EPC2: variants seen among roughly 807,000 people sequenced by gnomAD.
The protein encoded by EPC2 is enhancer of polycomb homolog 2.
In EPC2, 14 loss-of-function variants were observed where a neutral mutation model predicts 92.1. The observed-to-expected ratio is 0.15, with a 90% CI of 0.10 to 0.24. The LOEUF is 0.24. Ranked by LOEUF, EPC2 falls within the 10% of genes least tolerant of loss-of-function variation. EPC2 has a pLI of 1.00. For synonymous variants in EPC2, 340 were observed against 334.7 expected, an observed-to-expected ratio of 1.02 and a Z score of -0.17; for missense variants, 755 against 971.5, an observed-to-expected ratio of 0.78 and a Z score of 2.96.
chr2:148,761,386 G>A (rs1214245829), intron 4 of EPC2, among the ~76,000 whole-genome samples: 1 of 152,108 alleles, frequency 6.6e-6, no homozygotes, highest in Non-Finnish European at 1.5e-5. Flanking sequence ...AATGGATGAG[G>A]GGACTCATTT....
intron 1 of EPC2, among the ~76,000 whole-genome samples, chr2:148,670,163 C>G (rs1038618506): frequency 6.6e-6 from 1 of 152,166 alleles, no homozygotes; most frequent in African/African-American, 2.4e-5. Context: ...GCTCCATACT[C>G]TGGGAACTAA....
At chr2:148,713,311 A>G (rs986325905) in intron 2 of EPC2, among the ~76,000 whole-genome samples, 3 of 152,170 alleles carry the variant, frequency 2.0e-5, no homozygotes, top group Non-Finnish European at 2.9e-5. Flanking sequence ...GTGTAGGCCT[A>G]GGCTAATGGG....
At chr2:148,689,329 A>C (rs1422403370) in intron 1 of EPC2, among the ~76,000 whole-genome samples, 2 of 152,052 alleles carry the variant, frequency 1.3e-5, no homozygotes, top group Non-Finnish European at 2.9e-5. Context: ...GGCACCCGCC[A>C]CTACGCCCGG....
chr2:148,670,579 T>C (rs903938920), intron 1 of EPC2, among the ~76,000 whole-genome samples: 11 of 152,320 alleles, frequency 7.2e-5, no homozygotes, highest in African/African-American at 2.6e-4. Flanking sequence ...GGTTCTTTCT[T>C]CCAAATCCCT....
intron 2 of EPC2, among the ~76,000 whole-genome samples, chr2:148,717,892 A>G (rs1481680367): frequency 1.3e-5 from 2 of 152,194 alleles, no homozygotes; most frequent in Non-Finnish European, 2.9e-5. Context: ...GTCTCATTGA[A>G]GGTCTCTAAG....
At chr2:148,743,877 T>A in intron 3 of EPC2, 110 bp downstream of exon 3, 1 of 831,522 alleles carries the variant, frequency 1.2e-6, no homozygotes, top group Non-Finnish European at 1.7e-6. Flanking sequence ...TTTCCTGACA[T>A]CCTGGAATTT....
In EPC2 at chr2:148,761,647, A is replaced by G. The variant is rs1574628285; in HGVS notation, c.667-135A>G. The G allele has an allele frequency of 1.5e-5, 8 of 528,868 alleles. No individual in the cohort carries two copies. In the East Asian group the frequency reaches 2.6e-4, roughly 17 times the overall value. The allele number at this position is 528,868 out of a possible 1,614,324, so 32.8% of individuals were successfully genotyped here. A position where few individuals can be genotyped will look rare whatever the true frequency, so the allele number is the denominator to read the frequency against. On this transcript the variant is annotated intron_variant, in intron 4 of 13. Transcript: ENST00000258484. ...GTTAAATAGTTATAGGTTATCTTACATAGGTTGCTGTTCAGATTTTTTTTA... is the reference window on the plus strand; with the variant it reads ...GTTAAATAGTTATAGGTTATCTTACGTAGGTTGCTGTTCAGATTTTTTTTA...
At position 148,677,292 on chromosome 2, in the gene EPC2, C is replaced by T. The variant is rs1681286767; in HGVS notation, c.154-12922C>T. Among the ~76,000 whole-genome samples, 3 of 152,138 alleles carry T rather than the reference C, an allele frequency of 2.0e-5. No individual in the cohort carries two copies. The South Asian group carries it at 6.2e-4, about 32-fold the overall frequency. ...GAGGGAGGATGTCATGATCTGGCTC[C>T]TTAATTTCTGGATTCAGCTCTGTCA... On this transcript the variant is annotated intron_variant, in intron 1 of 13. Transcript: ENST00000258484.
intron 3 of EPC2, among the ~76,000 whole-genome samples, chr2:148,746,135 C>A (rs1682980431): frequency 6.6e-6 from 1 of 151,852 alleles, no homozygotes; most frequent in Admixed American, 6.6e-5. Flanking sequence ...AAATTCTGTT[C>A]TTGGTTTTCT....
intron 2 of EPC2, among the ~76,000 whole-genome samples, chr2:148,733,396 C>T (rs531213784): frequency 4.0e-5 from 6 of 150,850 alleles, no homozygotes; most frequent in Admixed American, 4.0e-4. Flanking sequence ...TCTGGGAGGC[C>T]ACTATTGATC....
chr2:148,680,166 T>G (rs1350108876), intron 1 of EPC2, among the ~76,000 whole-genome samples: 3 of 152,152 alleles, frequency 2.0e-5, no homozygotes, highest in Non-Finnish European at 4.4e-5. Flanking sequence ...CTTATTTATT[T>G]CTTCTTTTGC....
chr2:148,741,491 A>C (rs1011124367), intron 2 of EPC2, among the ~76,000 whole-genome samples: 1 of 152,158 alleles, frequency 6.6e-6, no homozygotes, highest in African/African-American at 2.4e-5. Flanking sequence ...TACTATCTGT[A>C]GTAGGAGGCT....
intron 1 of EPC2, among the ~76,000 whole-genome samples, chr2:148,662,041 A>G (rs188542161): frequency 1.3e-5 from 2 of 152,358 alleles, no homozygotes; most frequent in African/African-American, 4.8e-5. Flanking sequence ...GAAGACATTT[A>G]TGCAGCCAAA....
At chr2:148,708,198 A>G (rs1351834403) in intron 2 of EPC2, among the ~76,000 whole-genome samples, 3 of 152,236 alleles carry the variant, frequency 2.0e-5, no homozygotes, top group Non-Finnish European at 4.4e-5. Flanking sequence ...GACTACCATC[A>G]GAGAATACTA....
chr2:148,654,239 G>T (rs1680744026), intron 1 of EPC2, among the ~76,000 whole-genome samples: 1 of 152,098 alleles, frequency 6.6e-6, no homozygotes, highest in Non-Finnish European at 1.5e-5. Flanking sequence ...GAGCCACCAT[G>T]CCCGGCCAAG....
intron 2 of EPC2, among the ~76,000 whole-genome samples, chr2:148,706,099 C>G (rs896383011): frequency 1.3e-5 from 2 of 152,090 alleles, no homozygotes; most frequent in African/African-American, 2.4e-5. Flanking sequence ...AGCTAAAAAC[C>G]TTGAAAAATG....
intron 2 of EPC2, among the ~76,000 whole-genome samples, chr2:148,719,148 T>C (rs566789472): frequency 6.6e-6 from 1 of 152,318 alleles, no homozygotes; most frequent in African/African-American, 2.4e-5. Context: ...TGTATAGTTT[T>C]AACATGATAC....
intron 1 of EPC2, among the ~76,000 whole-genome samples, chr2:148,646,293 G>T (rs543523829): frequency 3.3e-5 from 5 of 152,256 alleles, no homozygotes; most frequent in South Asian, 2.1e-4. Context: ...TTATGCCTTC[G>T]ATTGGCTGGT....
intron 4 of EPC2, 54 bp downstream of exon 4, chr2:148,754,187 TC>T: frequency 1.5e-6 from 2 of 1,300,636 alleles, no homozygotes; most frequent in South Asian, 3.0e-5. Flanking sequence ...TCAAGATCAA[TC>T]TTTTTTTTTC....
Sources: gnomAD v4.1 joint callset for allele counts (sites outside exome capture counted in the v4.1 genomes callset) on GRCh38, gnomAD v4.1.1 for gene constraint, MANE v1.5 for transcripts, NCBI Gene and HGNC (gene_info 2026-07-23, HGNC 2026-07-21) for gene names.